The following TSPAN13 variants were observed in gnomAD, a reference collection of about 807,000 sequenced individuals.
TSPAN13 encodes the protein tetraspanin-13.
TSPAN13 carries 18 observed loss-of-function variants against 26.9 expected under a neutral mutation model. The observed-to-expected ratio is 0.67, with a 90% CI of 0.46 to 0.99. TSPAN13 has a LOEUF of 0.99. TSPAN13 is among the 50% of genes least tolerant of loss of function. TSPAN13 has a pLI of 0.00. For missense variants in TSPAN13, 201 were observed against 249.6 expected (o/e 0.81, Z 1.31); for synonymous variants, 116 against 98.4 (o/e 1.18, Z -1.06).
intron 2 of TSPAN13, among the ~76,000 whole-genome samples, 173 bp from the exon 3 acceptor site, chr7:16,776,869 T>C (rs1693420543): frequency 6.6e-6 from 1 of 152,240 alleles, no homozygotes; most frequent in South Asian, 2.1e-4. Context: ...GATGCAACTA[T>C]GTATTACCAA....
chr7:16,784,026 T>C lies in TSPAN13; in HGVS notation c.*535T>C, dbSNP rs1784844455. The C allele has an allele frequency of 6.5e-6, 1 of 152,968 alleles. No homozygotes were observed. The highest frequency in any genetic ancestry group is 1.5e-5 in the Non-Finnish European group (1 of 68,264). 9.5% of individuals were successfully genotyped at this position (152,968 alleles called of 1,614,324 possible). On this transcript the variant is annotated 3_prime_UTR_variant, in exon 6 of 6. Transcript: ENST00000262067. ...TAGTATAAAAATGATAATTTACTTG[T>C]AGTCTTTTATGATTACACCAATGTA...
At chr7:16,776,109 T>TATTTGTA in intron 1 of TSPAN13, 102 bp from the exon 2 acceptor site, 1 of 1,112,092 alleles carries the variant, frequency 9.0e-7, no homozygotes, top group Admixed American at 2.4e-5. Flanking sequence ...AGAGACTACG[T>TATTTGTA]AGGTGCCTGA....
At chr7:16,770,146 GT>G (rs1367493610) in intron 1 of TSPAN13, among the ~76,000 whole-genome samples, 3 of 150,838 alleles carry the variant, frequency 2.0e-5, no homozygotes, top group Non-Finnish European at 4.4e-5. Flanking sequence ...TTTTAAAATA[GT>G]TTTTATTCCC....
chr7:16,779,304 A>G (rs1323023382), intron 5 of TSPAN13, among the ~76,000 whole-genome samples, 188 bp downstream of exon 5: 1 of 152,218 alleles, frequency 6.6e-6, no homozygotes, highest in African/African-American at 2.4e-5. Flanking sequence ...GACCGGGTGA[A>G]AGGCTTGATC....
chr7:16,778,701 A>AGATGGAGTCTTTTGTAATGCGT (rs1784781929), intron 4 of TSPAN13, among the ~76,000 whole-genome samples: 3 of 152,218 alleles, frequency 2.0e-5, no homozygotes, highest in African/African-American at 7.2e-5. Flanking sequence ...CATTCTGTTA[A>AGATGGAGTCTTTTGTAATGCGT]GATGGAGTCT....
rs1167887791 is a variant in TSPAN13 at position 16,783,835 on chromosome 7, C to T, written c.*344C>T. ...ATATGGTGAATCTGAACGTACATCT[C>T]ACTGGTATAATTATATGTAGCACTG... On this transcript the variant is annotated 3_prime_UTR_variant, in exon 6 of 6. Transcript: ENST00000262067. The T allele has an allele frequency of 3.7e-6, 1 of 267,970 alleles. No homozygotes were observed. The highest frequency in any genetic ancestry group is 2.2e-5 in the African/African-American group (1 of 46,346). The allele number at this position is 267,970 out of a possible 1,614,324, so 16.6% of individuals were successfully genotyped here.
chr7:16,762,389 G>A (rs1226816634), intron 1 of TSPAN13, among the ~76,000 whole-genome samples: 1 of 152,204 alleles, frequency 6.6e-6, no homozygotes, highest in Admixed American at 6.5e-5. Flanking sequence ...TGCTTAAAGT[G>A]TAGAAGGCCC....
rs1258833480 is a variant in TSPAN13 at position 16,779,112 on chromosome 7, C to T, written c.536C>T (p.Thr179Ile). 6.2e-7 allele frequency: 1 copy of T among 1,609,160 alleles called. No homozygotes were observed. The highest frequency in any genetic ancestry group is 1.3e-5 in the African/African-American group (1 of 74,740). The change falls in exon 5 of 6, where the codon ACA (threonine) becomes ATA (isoleucine). Residue 179 changes from threonine to isoleucine, a missense_variant. Physicochemically the swap from Thr to Ile is moderately conservative, Grantham distance 89. Transcript: ENST00000262067. ...GGCATTGGCCTGTTCTTCAGTTTTA[C>T]AGAGGTATGTGCAAATAACAATATT... ...VGGIGLFFSF[T>I]EILGVWLTYR...
At chr7:16,765,851 T>A (rs1221008225) in intron 1 of TSPAN13, among the ~76,000 whole-genome samples, 1 of 152,214 alleles carries the variant, frequency 6.6e-6, no homozygotes, top group Non-Finnish European at 1.5e-5. Context: ...TCTTTGGAGT[T>A]CCTTTGTCTA....
At chr7:16,767,169 C>T (rs373428709) in intron 1 of TSPAN13, among the ~76,000 whole-genome samples, 1 of 152,208 alleles carries the variant, frequency 6.6e-6, no homozygotes, top group Non-Finnish European at 1.5e-5. Flanking sequence ...TCTCCAGTCC[C>T]TTTCCCATTT....
At chr7:16,769,152 G>C (rs570668188) in intron 1 of TSPAN13, among the ~76,000 whole-genome samples, 2 of 152,200 alleles carry the variant, frequency 1.3e-5, no homozygotes, top group East Asian at 1.9e-4. Context: ...ATATTTGTTA[G>C]ATGGTTTTTA....
chr7:16,772,825 G>A (rs1191828943), intron 1 of TSPAN13, among the ~76,000 whole-genome samples: 3 of 151,924 alleles, frequency 2.0e-5, no homozygotes, highest in East Asian at 1.9e-4. Context: ...GTGAAACCCC[G>A]TCTCTACTAA....
chr7:16,783,410 A>G lies in TSPAN13; in HGVS notation c.541-7A>G. The G allele has an allele frequency of 6.2e-7, 1 of 1,611,776 alleles. No individual in the cohort carries two copies. The highest frequency in any genetic ancestry group is 8.5e-7 in the Non-Finnish European group (1 of 1,179,024). ...TTCTTTACTTTATTTTTTTTTCCCC[A>G]TTCCAGATCCTGGGTGTTTGGCTGA... On this transcript the variant is annotated splice_region_variant and splice_polypyrimidine_tract_variant and intron_variant, in intron 5 of 5. Transcript: ENST00000262067.
Position 16,776,488 on chromosome 7 carries a change from C to T in TSPAN13, c.231+110C>T, listed in dbSNP as rs112153503. 6.5e-4 allele frequency: 656 copies of T among 1,016,726 alleles called. 3 individuals carry two copies. In the African/African-American group the frequency reaches 7.8e-3, roughly 12 times the overall value. The allele number at this position is 1,016,726 out of a possible 1,614,324, so 63.0% of individuals were successfully genotyped here. A position where few individuals can be genotyped will look rare whatever the true frequency, so the allele number is the denominator to read the frequency against. On this transcript the variant is annotated intron_variant, in intron 2 of 5. Transcript: ENST00000262067. ...TTGCCAGAAAGCAACTCCAAGCAAGCCTTATGCATATTTGTTCAAGAACTA... is the reference window on the plus strand; with the variant it reads ...TTGCCAGAAAGCAACTCCAAGCAAGTCTTATGCATATTTGTTCAAGAACTA...
intron 1 of TSPAN13, among the ~76,000 whole-genome samples, chr7:16,772,682 A>C (rs1176827029): frequency 6.6e-6 from 1 of 152,224 alleles, no homozygotes; most frequent in Non-Finnish European, 1.5e-5. Flanking sequence ...ATTTAGTTCC[A>C]TCTTTTACCA....
intron 3 of TSPAN13, among the ~76,000 whole-genome samples, 196 bp downstream of exon 3, chr7:16,777,318 C>T (rs17136560): frequency 1.3e-5 from 2 of 152,108 alleles, no homozygotes; most frequent in Middle Eastern, 3.4e-3. Context: ...TTGCCATTTT[C>T]GGTATCTTTT....
chr7:16,766,458 G>A (rs778598050), intron 1 of TSPAN13, among the ~76,000 whole-genome samples: 5 of 152,206 alleles, frequency 3.3e-5, no homozygotes, highest in African/African-American at 4.8e-5. Context: ...ATGGGATAGG[G>A]CAGTGTCTTG....
chr7:16,781,635 T>C (rs1294715014), intron 5 of TSPAN13, among the ~76,000 whole-genome samples: 1 of 152,180 alleles, frequency 6.6e-6, no homozygotes, highest in Non-Finnish European at 1.5e-5. Flanking sequence ...AAAATGTGGC[T>C]CCGGATTATG....
chr7:16,766,783 A>G (rs1471218882), intron 1 of TSPAN13, among the ~76,000 whole-genome samples: 1 of 152,224 alleles, frequency 6.6e-6, no homozygotes. Flanking sequence ...AATGCAAAGC[A>G]GAAGAATTTA....
Sources: gnomAD v4.1 joint callset for allele counts (sites outside exome capture counted in the v4.1 genomes callset) on GRCh38, gnomAD v4.1.1 for gene constraint, MANE v1.5 for transcripts, NCBI Gene and HGNC (gene_info 2026-07-23, HGNC 2026-07-21) for gene names.